ZNF532: variants seen among roughly 807,000 people sequenced by gnomAD.
ZNF532 encodes zinc finger protein 532.
Under a neutral mutation model 89.3 loss-of-function variants are expected in ZNF532, and 22 were observed. The observed-to-expected ratio is 0.25, with a 90% CI of 0.18 to 0.35. ZNF532 has a LOEUF of 0.35. ZNF532 is among the 10% of genes least tolerant of loss of function. ZNF532 has a pLI of 1.00. For missense variants in ZNF532, 1,132 were observed against 1,643.4 expected (o/e 0.69, Z 5.38); for synonymous variants, 606 against 649.6 (o/e 0.93, Z 1.02).
intron 2 of ZNF532, among the ~76,000 whole-genome samples, chr18:58,895,037 A>T (rs1030737329): frequency 1.3e-5 from 2 of 152,228 alleles, no homozygotes; most frequent in African/African-American, 4.8e-5. Context: ...ATTGTGCCTG[A>T]GCCATTCTCC....
chr18:58,969,873 CTT>C (rs10617418), intron 7 of ZNF532, among the ~76,000 whole-genome samples: 5,059 of 84,222 alleles, frequency 0.06, 36 homozygotes, highest in African/African-American at 0.22. Flanking sequence ...ATATTTGTCC[CTT>C]TTTTTTTTTT....
At chr18:58,978,770 A>C (rs2033876020) in intron 7 of ZNF532, among the ~76,000 whole-genome samples, 1 of 152,020 alleles carries the variant, frequency 6.6e-6, no homozygotes, top group South Asian at 2.1e-4. Flanking sequence ...ATATCTTGGG[A>C]CTCTCTAATT....
chr18:58,936,873 T>C (rs1168786647), intron 4 of ZNF532, among the ~76,000 whole-genome samples: 1 of 152,206 alleles, frequency 6.6e-6, no homozygotes, highest in Non-Finnish European at 1.5e-5. Flanking sequence ...CTATAGTTAC[T>C]CATTTTCAAT....
chr18:58,890,634 A>C (rs1294666173), intron 2 of ZNF532, among the ~76,000 whole-genome samples: 1 of 149,026 alleles, frequency 6.7e-6, no homozygotes, highest in South Asian at 2.1e-4. Context: ...GTAAGGAAGG[A>C]TATGTGAATT....
rs1481440851 is a variant in ZNF532, at chr18:58,919,567, C to T, written c.1280C>T (p.Ala427Val). Residue 427 changes from alanine (A) to valine (V), a missense_variant, in exon 3 of 10, where the codon GCG becomes GTG. Ala to Val is a moderately conservative substitution (Grantham distance 64). Around this residue, in one of 9 missense-constraint regions of ZNF532, gnomAD observed 124 missense variants for 191.6 expected, o/e 0.65. Coordinates refer to ENST00000591808, the MANE Select transcript of ZNF532 (RefSeq NM_001375912.1). The surrounding 1 kb of genome is among the most constrained non-coding windows in gnomAD (Gnocchi z 6.1). ...SSPPRAPLQS[A>V]VVTNAVSPAE... ...CCCCCCAGGGCGCCTCTCCAGTCTGCGGTCGTGACCAATGCAGTTTCCCCT... is the reference window on the plus strand; with the variant it reads ...CCCCCCAGGGCGCCTCTCCAGTCTGTGGTCGTGACCAATGCAGTTTCCCCT... 1.9e-6 allele frequency: 3 copies of T among 1,614,186 alleles called. No individual in the cohort carries two copies. Among genetic ancestry groups the T allele is most frequent in the Admixed American group, 1.7e-5 (1 of 60,022 alleles).
At chr18:58,897,062 G>C (rs962978448) in intron 2 of ZNF532, among the ~76,000 whole-genome samples, 1 of 151,856 alleles carries the variant, frequency 6.6e-6, no homozygotes, top group Non-Finnish European at 1.5e-5. Context: ...TTTTTCCCCC[G>C]GGGCTTGAAC....
Position 58,918,781 on chromosome 18 carries a change from C to T in ZNF532, c.494C>T (p.Thr165Met), listed in dbSNP as rs772801429. The change falls in exon 3 of 10, where the codon ACG (threonine) becomes ATG (methionine). Residue 165 changes from threonine to methionine, a missense_variant. By Grantham distance (81) the Thr-to-Met change is moderately conservative. Transcript: ENST00000591808. ...MRSSFRSNVL[T>M]GSAPQQDYDK... ...TCAAGCTTCAGGTCGAATGTGTTGA[C>T]GGGGTCGGCTCCCCAGCAGGACTAC... 2.0e-5 allele frequency: 33 copies of T among 1,613,984 alleles called. No homozygotes were observed. Among genetic ancestry groups the T allele is most frequent in the Admixed American group, 1.8e-4 (11 of 59,992 alleles).
chr18:58,952,988 C>T (rs2064368715), intron 6 of ZNF532, among the ~76,000 whole-genome samples: 1 of 152,142 alleles, frequency 6.6e-6, no homozygotes, highest in Non-Finnish European at 1.5e-5. Flanking sequence ...TGACAAAACC[C>T]AGCAAAAACC....
At chr18:58,959,224 A>G (rs1341646228) in intron 7 of ZNF532, among the ~76,000 whole-genome samples, 2 of 151,894 alleles carry the variant, frequency 1.3e-5, no homozygotes, top group Non-Finnish European at 2.9e-5. Flanking sequence ...GGTGCCATCA[A>G]AATGAACCTT....
chr18:58,926,830 T>G (rs1421381745), intron 3 of ZNF532, among the ~76,000 whole-genome samples: 1 of 152,224 alleles, frequency 6.6e-6, no homozygotes, highest in Non-Finnish European at 1.5e-5. Context: ...TTGGATAGAT[T>G]ATACTGATTT....
At chr18:58,890,629 G>A (rs1366728450) in intron 2 of ZNF532, among the ~76,000 whole-genome samples, 1 of 150,436 alleles carries the variant, frequency 6.6e-6, no homozygotes, top group African/African-American at 2.4e-5. Flanking sequence ...AAAAAGTAAG[G>A]AAGGATATGT....
intron 7 of ZNF532, among the ~76,000 whole-genome samples, chr18:58,954,998 G>T (rs968154595): frequency 5.3e-5 from 8 of 152,194 alleles, no homozygotes; most frequent in Non-Finnish European, 8.8e-5. Context: ...ACAGGCGTGA[G>T]CCACTGTGCC....
intron 4 of ZNF532, among the ~76,000 whole-genome samples, chr18:58,939,225 C>T (rs550479163): frequency 2.0e-3 from 212 of 105,166 alleles, no homozygotes; most frequent in African/African-American, 7.3e-3. Flanking sequence ...CCAGCCTGGG[C>T]GACAGAGCGA....
In ZNF532 at chr18:58,912,430, C is replaced by T. The variant is rs546040627; in HGVS notation, c.-17-5841C>T. On this transcript the variant is annotated intron_variant, in intron 2 of 9. Transcript: ENST00000591808. ...ACTGTGCGTATAAACTGTATTTGTA[C>T]GCTATGTGTTACCCTGGTGTAGGCT... is the stretch of plus-strand genomic sequence containing the variant. 2.0e-3 allele frequency among the ~76,000 whole-genome samples: 309 copies of T among 152,304 alleles called. 1 individual carries two copies. Among genetic ancestry groups the T allele is most frequent in the Non-Finnish European group, 3.5e-3 (240 of 68,028 alleles).
At chr18:58,964,941 A>C (rs904816390) in intron 7 of ZNF532, among the ~76,000 whole-genome samples, 9 of 149,026 alleles carry the variant, frequency 6.0e-5, no homozygotes, top group Non-Finnish European at 1.0e-4. Context: ...TTTTTACTTC[A>C]TATATTTCTT....
At chr18:58,930,036 T>C (rs2061820529) in intron 3 of ZNF532, among the ~76,000 whole-genome samples, 1 of 152,238 alleles carries the variant, frequency 6.6e-6, no homozygotes, top group Non-Finnish European at 1.5e-5. Flanking sequence ...ATGTTTCATG[T>C]TGGTGTAGGC....
At chr18:58,899,497 C>T (rs769210425) in intron 2 of ZNF532, among the ~76,000 whole-genome samples, 23 of 152,006 alleles carry the variant, frequency 1.5e-4, no homozygotes, top group Non-Finnish European at 2.6e-4. Flanking sequence ...GAGATGGAGT[C>T]TTGCTCTGTC....
chr18:58,921,558 T>C (rs2061086162), intron 3 of ZNF532, among the ~76,000 whole-genome samples: 1 of 152,222 alleles, frequency 6.6e-6, no homozygotes, highest in Admixed American at 6.5e-5. Context: ...CATCTCCAAT[T>C]AAACAGAATA....
At chr18:58,924,809 G>C (rs991062190) in intron 3 of ZNF532, among the ~76,000 whole-genome samples, 3 of 152,016 alleles carry the variant, frequency 2.0e-5, no homozygotes, top group Admixed American at 1.3e-4. Context: ...TTAACCCCTG[G>C]CAACCACTAA....
Sources: gnomAD v4.1 joint callset for allele counts (sites outside exome capture counted in the v4.1 genomes callset) on GRCh38, gnomAD v4.1.1 for gene constraint, gnomAD v4.1.1 regional missense constraint, Gnocchi (gnomAD v3.1) non-coding constraint, MANE v1.5 for transcripts, NCBI Gene and HGNC (gene_info 2026-07-23, HGNC 2026-07-21) for gene names.